PPP2R2C: variants seen among roughly 807,000 people sequenced by gnomAD.
PPP2R2C encodes the protein protein phosphatase 2, regulatory subunit B, gamma.
In PPP2R2C, 10 loss-of-function variants were observed where a neutral mutation model predicts 45.3. The ratio of observed to expected loss-of-function variants is 0.22; its 90% confidence interval spans 0.14 to 0.37. The LOEUF is 0.37. PPP2R2C is among the 10% of genes least tolerant of loss of function. The pLI, the probability that PPP2R2C is intolerant of heterozygous loss-of-function variation, is 1.00. For missense variants in PPP2R2C, 308 were observed against 619.7 expected (o/e 0.50, Z 5.34); for synonymous variants, 257 against 245.4 (o/e 1.05, Z -0.44).
In PPP2R2C at chr4:6,458,286, A is replaced by C. The variant is rs1006552426; in HGVS notation, c.70+13874T>G. Among the ~76,000 whole-genome samples the C allele has an allele frequency of 5.9e-5, 9 of 152,274 alleles. No individual in the cohort carries two copies. The East Asian group carries it at 1.5e-3, about 26-fold the overall frequency. On this transcript the variant is annotated intron_variant, in intron 1 of 8. Transcript: ENST00000382599. ...AGGCTGCTATAACAAAATATCATAG[A>C]CCGGGTGGCTTATAAACAACAAGCA...
chr4:6,403,365 G>A (rs73798227), intron 1 of PPP2R2C, among the ~76,000 whole-genome samples: 3 of 152,114 alleles, frequency 2.0e-5, no homozygotes, highest in South Asian at 2.1e-4. Context: ...CTTCCTCCTC[G>A]CTTCCTGCCC....
At chr4:6,452,416 G>A (rs747407407) in intron 1 of PPP2R2C, among the ~76,000 whole-genome samples, 5 of 152,080 alleles carry the variant, frequency 3.3e-5, no homozygotes, top group Admixed American at 6.5e-5. Flanking sequence ...GTGGGATCCC[G>A]TCTGGGGCCT....
At chr4:6,461,616 C>A (rs1242121535) in intron 1 of PPP2R2C, among the ~76,000 whole-genome samples, 1 of 152,230 alleles carries the variant, frequency 6.6e-6, no homozygotes, top group East Asian at 1.9e-4. Context: ...GTGGAAGAGA[C>A]TCCTGGGCCA....
At chr4:6,355,543 AGAAAGCAC>A (rs1713090390) in intron 5 of PPP2R2C, among the ~76,000 whole-genome samples, 1 of 148,654 alleles carries the variant, frequency 6.7e-6, no homozygotes, top group African/African-American at 2.6e-5. Flanking sequence ...AGAAAGCCAC[AGAAAGCAC>A]AAAAAAAAAA....
intron 1 of PPP2R2C, among the ~76,000 whole-genome samples, chr4:6,393,335 C>T (rs991569869): frequency 6.6e-5 from 10 of 152,324 alleles, no homozygotes; most frequent in African/African-American, 2.2e-4. Flanking sequence ...TAGAATCATA[C>T]AGCAGCACGT....
chr4:6,494,472 C>T (rs1361495913), intron 2 of PPP2R2C, among the ~76,000 whole-genome samples: 1 of 152,250 alleles, frequency 6.6e-6, no homozygotes, highest in Non-Finnish European at 1.5e-5. Context: ...TTGCATCCTA[C>T]TGGGGCAAGG....
chr4:6,549,687 C>T (rs141252708), intron 1 of PPP2R2C, among the ~76,000 whole-genome samples: 207 of 152,294 alleles, frequency 1.4e-3, no homozygotes, highest in Non-Finnish European at 2.6e-3. Flanking sequence ...CCTCCTCATC[C>T]CTAGGGAGGA....
intron 1 of PPP2R2C, among the ~76,000 whole-genome samples, chr4:6,536,477 G>A (rs1343649737): frequency 6.6e-6 from 1 of 152,114 alleles, no homozygotes; most frequent in Non-Finnish European, 1.5e-5. Flanking sequence ...TAAGAAGAAA[G>A]GCAAGTGAAA....
At chr4:6,552,350 T>G (rs777626328) in intron 1 of PPP2R2C, among the ~76,000 whole-genome samples, 8 of 152,210 alleles carry the variant, frequency 5.3e-5, no homozygotes, top group Non-Finnish European at 1.0e-4. Context: ...TGGGCAGGGC[T>G]GGTTCCTGCT....
intron 8 of PPP2R2C, among the ~76,000 whole-genome samples, chr4:6,325,799 A>T (rs1262365640): frequency 1.3e-5 from 2 of 151,900 alleles, no homozygotes; most frequent in African/African-American, 4.8e-5. Context: ...GAGCTGCTTC[A>T]CCTCTCCTAG....
intron 6 of PPP2R2C, among the ~76,000 whole-genome samples, chr4:6,341,879 T>C (rs1733468788): frequency 6.6e-6 from 1 of 152,058 alleles, no homozygotes; most frequent in South Asian, 2.1e-4. Flanking sequence ...GACGCCTTCA[T>C]TTTAGCCCGA....
At chr4:6,470,451 C>T (rs181101058) in intron 1 of PPP2R2C, among the ~76,000 whole-genome samples, 12 of 152,334 alleles carry the variant, frequency 7.9e-5, no homozygotes, top group Admixed American at 4.6e-4. Context: ...CACCATGGCG[C>T]TTTTTACGCC....
intron 1 of PPP2R2C, among the ~76,000 whole-genome samples, chr4:6,412,473 G>C (rs1341169258): frequency 2.6e-5 from 4 of 152,154 alleles, no homozygotes; most frequent in African/African-American, 9.7e-5. Context: ...ACACACAGCA[G>C]GCATGTAGAT....
Position 6,500,671 on chromosome 4 carries a change from T to G in PPP2R2C, c.49+34600A>C, listed in dbSNP as rs1375875655. Among the ~76,000 whole-genome samples the G allele has an allele frequency of 2.0e-5, 3 of 152,162 alleles. No homozygotes were observed. In the East Asian group the frequency reaches 5.8e-4, roughly 29 times the overall value. On this transcript the variant is annotated intron_variant, in intron 2 of 9. Transcript: ENST00000506140. ...GTGACCAGGAAGGAAAGAGGGGGGTTCATTTGAGCCAAGTCCTGGGGTGCA... is the reference window on the plus strand; with the variant it reads ...GTGACCAGGAAGGAAAGAGGGGGGTGCATTTGAGCCAAGTCCTGGGGTGCA...
At chr4:6,351,600 C>G (rs116706815) in intron 5 of PPP2R2C, among the ~76,000 whole-genome samples, 5,150 of 152,262 alleles carry the variant, frequency 0.034, 156 homozygotes, top group African/African-American at 0.078. Flanking sequence ...TCTTCGGATA[C>G]GGTGGCTGCT....
rs139671662 is a variant in PPP2R2C at position 6,392,506 on chromosome 4, A to G, written c.71-11412T>C. ...CTTCCTGGGGGAGACGCATTTGAGC[A>G]GAGACCTGAAGGATGTGAGAGAGGG... On this transcript the variant is annotated intron_variant, in intron 1 of 8. Transcript: ENST00000382599. 3.2e-3 allele frequency among the ~76,000 whole-genome samples: 495 copies of G among 152,322 alleles called. 3 individuals are homozygous for G. Among genetic ancestry groups the G allele is most frequent in the African/African-American group, 0.011 (463 of 41,574 alleles).
At chr4:6,482,423 ACCACT>A (rs1053150920) in intron 2 of PPP2R2C, among the ~76,000 whole-genome samples, 20 of 152,262 alleles carry the variant, frequency 1.3e-4, no homozygotes, top group African/African-American at 4.6e-4. Flanking sequence ...GAACCACTGA[ACCACT>A]CTCCTATACT....
Position 6,368,876 on chromosome 4 carries a change from C to A in PPP2R2C, c.625+3647G>T, listed in dbSNP as rs927999891. On this transcript the variant is annotated intron_variant, in intron 5 of 8. Transcript: ENST00000382599. This position sits in a 1 kb window ranked among gnomAD's most constrained non-coding sequence, Gnocchi z 4.2. Reference sequence around the variant, plus strand: ...CCTCCAAAGCTGGCTAGTGACACGCCCCTGTTTACAGTACATCAATAGCTT... The same window carrying A: ...CCTCCAAAGCTGGCTAGTGACACGCACCTGTTTACAGTACATCAATAGCTT... 6.6e-6 allele frequency among the ~76,000 whole-genome samples: 1 copy of A among 152,142 alleles called. No homozygotes were observed. The highest frequency in any genetic ancestry group is 2.4e-5 in the African/African-American group (1 of 41,414).
At chr4:6,488,166 T>C (rs1459432350) in intron 2 of PPP2R2C, among the ~76,000 whole-genome samples, 2 of 152,256 alleles carry the variant, frequency 1.3e-5, no homozygotes, top group Admixed American at 6.5e-5. Context: ...AGTGTTTTGA[T>C]GACCTTGTCT....
Sources: allele counts gnomAD v4.1 joint callset (sites outside exome capture counted in the v4.1 genomes callset), GRCh38; gene constraint gnomAD v4.1.1; non-coding constraint Gnocchi (gnomAD v3.1); transcripts MANE v1.5; gene names NCBI Gene and HGNC (gene_info 2026-07-23, HGNC 2026-07-21).